Variants in DCTN6 observed in about 807,000 individuals in gnomAD.
DCTN6 encodes dynactin 6.
In DCTN6, 15 loss-of-function variants were observed where a neutral mutation model predicts 25.8. The observed-to-expected ratio is 0.58, with a 90% CI of 0.39 to 0.89. The LOEUF (loss-of-function observed/expected upper bound fraction) is 0.89, where lower values mean the gene tolerates loss of function less well. Among genes scored for constraint, DCTN6 ranks in the 40% least tolerant of loss-of-function variants. The pLI, the probability that DCTN6 is intolerant of heterozygous loss-of-function variation, is 0.00. For missense variants in DCTN6, 198 were observed against 237.6 expected, an observed-to-expected ratio of 0.83 and a Z score of 1.09; for synonymous variants, 64 against 78.3, an observed-to-expected ratio of 0.82 and a Z score of 0.96.
chr8:30,168,623 A>G (rs927852252), intron 2 of DCTN6, among the ~76,000 whole-genome samples: 9 of 152,212 alleles, frequency 5.9e-5, no homozygotes, highest in Admixed American at 5.9e-4. Flanking sequence ...CCATTCTGAA[A>G]TATTTCAGGA....
At position 30,172,648 on chromosome 8, in the gene DCTN6, T is replaced by C. The variant is rs181094196; in HGVS notation, c.89-2437T>C. Among the ~76,000 whole-genome samples, 394 of 152,208 alleles carry C rather than the reference T, an allele frequency of 2.6e-3. 2 individuals are homozygous for C. The highest frequency in any genetic ancestry group is 8.9e-3 in the African/African-American group (371 of 41,520). On this transcript the variant is annotated intron_variant, in intron 2 of 6. Transcript: ENST00000221114. ...TTGTATTTTTCGTAGAGACAAGGTT[T>C]CACCATGTTAGCTAGGCTGGTCTCA... is the stretch of plus-strand genomic sequence containing the variant.
At chr8:30,169,463 T>C (rs1018037375) in intron 2 of DCTN6, among the ~76,000 whole-genome samples, 2 of 152,132 alleles carry the variant, frequency 1.3e-5, no homozygotes, top group African/African-American at 4.8e-5. Flanking sequence ...AGAAAAATAA[T>C]TCATCAGCCA....
rs147519883 is a variant in DCTN6, at chr8:30,162,534, G to A, written c.24-1577G>A. On this transcript the variant is annotated intron_variant, in intron 1 of 6. Transcript: ENST00000221114. ...CAGATTTAACACCATGAATGTCATTGCCATTTAGAAAAATTCTTTTATTAA... is the reference window on the plus strand; with the variant it reads ...CAGATTTAACACCATGAATGTCATTACCATTTAGAAAAATTCTTTTATTAA... Among the ~76,000 whole-genome samples, 294 of 152,318 alleles carry A rather than the reference G, an allele frequency of 1.9e-3. 1 individual carries two copies. The highest frequency in any genetic ancestry group is 3.6e-3 in the Non-Finnish European group (245 of 68,028).
At chr8:30,174,532 C>T (rs961527543) in intron 2 of DCTN6, among the ~76,000 whole-genome samples, 7 of 152,012 alleles carry the variant, frequency 4.6e-5, no homozygotes, top group African/African-American at 1.7e-4. Context: ...GATGGGGTTT[C>T]GCCATGTTGG....
At position 30,180,574 on chromosome 8, in the gene DCTN6, A is replaced by G; in HGVS notation, c.418A>G (p.Asn140Asp). 6.2e-7 allele frequency: 1 copy of G among 1,614,098 alleles called. No individual in the cohort carries two copies. Among genetic ancestry groups the G allele is most frequent in the Non-Finnish European group, 8.5e-7 (1 of 1,180,010 alleles). ...AAATACATTTGAAGTCATCCCTGAGAATACGGTGATCTATGGTGCAGACTG... is the reference window on the plus strand; with the variant it reads ...AAATACATTTGAAGTCATCCCTGAGGATACGGTGATCTATGGTGCAGACTG... Reference protein sequence around the residue: ...NLNTFEVIPENTVIYGADCLR... With the variant: ...NLNTFEVIPEDTVIYGADCLR... Residue 140 changes from asparagine to aspartate, a missense_variant, in exon 6 of 7, where the codon AAT becomes GAT. By Grantham distance (23) the Asn-to-Asp change is conservative (BLOSUM62 1). Transcript: ENST00000221114.
intron 1 of DCTN6, among the ~76,000 whole-genome samples, chr8:30,156,960 T>C (rs1803535344): frequency 1.3e-5 from 2 of 152,196 alleles, no homozygotes; most frequent in South Asian, 2.1e-4. Flanking sequence ...ACACATTATA[T>C]AGATGCAAGG....
chr8:30,164,680 G>C (rs555914219), intron 2 of DCTN6, among the ~76,000 whole-genome samples: 1 of 152,324 alleles, frequency 6.6e-6, no homozygotes, highest in South Asian at 2.1e-4. Flanking sequence ...TGTAGGGGTG[G>C]CTTACACCTG....
intron 2 of DCTN6, among the ~76,000 whole-genome samples, chr8:30,166,298 G>A (rs565001255): frequency 4.2e-5 from 6 of 142,938 alleles, no homozygotes; most frequent in African/African-American, 1.0e-4. Flanking sequence ...CAACAACCCC[G>A]TTTTGGTTTT....
At position 30,183,182 on chromosome 8, in the gene DCTN6, T is replaced by C. The variant is rs1310620788; in HGVS notation, c.*9T>C. 2 of 1,608,320 alleles carry C rather than the reference T, an allele frequency of 1.2e-6. No individual in the cohort carries two copies. Among genetic ancestry groups the C allele is most frequent in the Non-Finnish European group, 1.7e-6 (2 of 1,175,434 alleles). On this transcript the variant is annotated 3_prime_UTR_variant, in exon 7 of 7. Transcript: ENST00000221114. ...CTCCAGTAAAGAACTAAGAACAGTG[T>C]ATAACATGAAGATAACATTTTGTCT...
chr8:30,181,989 CATT>C (rs992135139), intron 6 of DCTN6, among the ~76,000 whole-genome samples: 1 of 151,632 alleles, frequency 6.6e-6, no homozygotes, highest in African/African-American at 2.4e-5. Flanking sequence ...TGTTTGGCTT[CATT>C]ATTATTATTA....
At chr8:30,181,902 A>G (rs1483765067) in intron 6 of DCTN6, among the ~76,000 whole-genome samples, 1 of 151,872 alleles carries the variant, frequency 6.6e-6, no homozygotes, top group Non-Finnish European at 1.5e-5. Context: ...TCAAGACATA[A>G]CTTTGCTTCT....
intron 1 of DCTN6, among the ~76,000 whole-genome samples, chr8:30,162,248 G>C (rs541398299): frequency 6.6e-6 from 1 of 151,826 alleles, no homozygotes; most frequent in South Asian, 2.1e-4. Context: ...CACCATGCCC[G>C]GCTAATTTTT....
At position 30,183,416 on chromosome 8, in the gene DCTN6, T is replaced by C. The variant is rs986226106; in HGVS notation, c.*243T>C. The C allele has an allele frequency of 6.4e-6, 2 of 311,590 alleles. No individual in the cohort carries two copies. Among genetic ancestry groups the C allele is most frequent in the Admixed American group, 4.8e-5 (1 of 20,776 alleles). The allele number at this position is 311,590 out of a possible 1,614,324, so 19.3% of individuals were successfully genotyped here. Reference sequence around the variant, plus strand: ...ATTTACAGATTTAGCTTTTCTTTTGTTATATAAACTGCTAGCCACAAATTT... The same window carrying C: ...ATTTACAGATTTAGCTTTTCTTTTGCTATATAAACTGCTAGCCACAAATTT... On this transcript the variant is annotated 3_prime_UTR_variant, in exon 7 of 7. Coordinates refer to ENST00000221114, the MANE Select transcript of DCTN6 (RefSeq NM_006571.4).
rs1256086378 is a variant in DCTN6, at chr8:30,164,094, C to G, written c.24-17C>G. 1 of 1,609,172 alleles carries G rather than the reference C, an allele frequency of 6.2e-7. No homozygotes were observed. Among genetic ancestry groups the G allele is most frequent in the Non-Finnish European group, 8.5e-7 (1 of 1,175,700 alleles). The stretch of plus-strand genomic sequence containing the variant: ...TTAATCTTACCCCTGGTAAATGTTA[C>G]CTTTTTCTTGCTACAGTGTGAAGAT... On this transcript the variant is annotated splice_polypyrimidine_tract_variant and intron_variant, in intron 1 of 6. Coordinates refer to ENST00000221114, the MANE Select transcript of DCTN6 (RefSeq NM_006571.4).
chr8:30,173,660 T>A (rs1440551121), intron 2 of DCTN6, among the ~76,000 whole-genome samples: 1 of 149,412 alleles, frequency 6.7e-6, no homozygotes, highest in Non-Finnish European at 1.5e-5. Context: ...AGCCCAGGAA[T>A]TGAAGGCTGG....
At chr8:30,174,588 G>T (rs953219526) in intron 2 of DCTN6, among the ~76,000 whole-genome samples, 1 of 152,024 alleles carries the variant, frequency 6.6e-6, no homozygotes, top group African/African-American at 2.4e-5. Context: ...TCCCCGCCTT[G>T]GCCTCCACAT....
At chr8:30,163,961 C>CA in intron 1 of DCTN6, 150 bp from the exon 2 acceptor site, 1 of 637,534 alleles carries the variant, frequency 1.6e-6, no homozygotes, top group Admixed American at 2.9e-5. Context: ...CTCGGCCTCC[C>CA]AAAGTGCTAG....
At chr8:30,164,078 C>T (rs1222831400) in intron 1 of DCTN6, 33 bp from the exon 2 acceptor site, 1 of 1,568,210 alleles carries the variant, frequency 6.4e-7, no homozygotes, top group Non-Finnish European at 8.8e-7. Flanking sequence ...TTTAATCTTA[C>T]CCCTGGTAAA....
At chr8:30,167,321 C>T (rs114750348) in intron 2 of DCTN6, among the ~76,000 whole-genome samples, 184 of 152,086 alleles carry the variant, frequency 1.2e-3, no homozygotes, top group African/African-American at 4.2e-3. Context: ...TAAGGAAGTG[C>T]ATTGTTTAAA....
Sources: gnomAD v4.1 joint callset for allele counts (sites outside exome capture counted in the v4.1 genomes callset) on GRCh38, gnomAD v4.1.1 for gene constraint, MANE v1.5 for transcripts, NCBI Gene and HGNC (gene_info 2026-07-23, HGNC 2026-07-21) for gene names.